NELL1: variants seen among roughly 807,000 people sequenced by gnomAD.
The protein encoded by NELL1 is neural EGFL like 1.
In NELL1, 76 loss-of-function variants were observed where a neutral mutation model predicts 107.4. The ratio of observed to expected loss-of-function variants is 0.71; its 90% CI spans 0.59 to 0.86. The LOEUF is 0.86. Ranked by LOEUF, NELL1 falls within the 40% of genes least tolerant of loss-of-function variation. The pLI, the probability that NELL1 is intolerant of heterozygous loss-of-function variation, is 0.00. For synonymous variants in NELL1, 353 were observed against 341.2 expected, an observed-to-expected ratio of 1.03 and a Z score of -0.38; for missense variants, 1,024 against 1,005.5, an observed-to-expected ratio of 1.02 and a Z score of -0.25.
Position 20,904,216 on chromosome 11 carries a change from TAAA to T in NELL1, c.604-13957_604-13955del, listed in dbSNP as rs59464771. ...TAAAACTTAAAGTATAATAAATAAA[TAAA>T]AAAAAAAAGAAAAAAGTGGCAGGCA... On this transcript the variant is annotated intron_variant, in intron 5 of 19. Transcript: ENST00000357134. Among the ~76,000 whole-genome samples the T allele has an allele frequency of 3.1e-3, 428 of 137,698 alleles. 1 individual carries two copies. The highest frequency in any genetic ancestry group is 0.011 in the African/African-American group (407 of 38,270). 90.3% of individuals were successfully genotyped at this position (137,698 alleles called of 152,430 possible). A position where few individuals can be genotyped will look rare whatever the true frequency, so the allele number is the denominator to read the frequency against.
intron 12 of NELL1, among the ~76,000 whole-genome samples, chr11:21,077,719 G>A (rs1353590434): frequency 6.6e-6 from 1 of 151,240 alleles, no homozygotes; most frequent in Non-Finnish European, 1.5e-5. Context: ...CTTCAGCCTG[G>A]GCGACAGAGT....
At chr11:21,490,229 C>G (rs1302153493) in intron 15 of NELL1, among the ~76,000 whole-genome samples, 2 of 151,482 alleles carry the variant, frequency 1.3e-5, no homozygotes, top group African/African-American at 2.4e-5. Context: ...ATTAATTTTA[C>G]CAATGAGGAA....
At chr11:21,211,627 A>G (rs1017518717) in intron 13 of NELL1, among the ~76,000 whole-genome samples, 4 of 152,184 alleles carry the variant, frequency 2.6e-5, no homozygotes, top group African/African-American at 9.6e-5. Context: ...CTATAGCAAT[A>G]GCCCAAGTGA....
At chr11:21,000,450 A>G (rs1852191936) in intron 12 of NELL1, among the ~76,000 whole-genome samples, 1 of 152,168 alleles carries the variant, frequency 6.6e-6, no homozygotes, top group Admixed American at 6.5e-5. Context: ...CTTTACCCAG[A>G]ATCCTCTGAC....
intron 13 of NELL1, among the ~76,000 whole-genome samples, chr11:21,131,475 A>G (rs1257941072): frequency 1.3e-5 from 2 of 152,204 alleles, no homozygotes; most frequent in Non-Finnish European, 2.9e-5. Flanking sequence ...TTTAGGCCTC[A>G]GTCATCATCT....
At chr11:21,211,237 T>G (rs1857490205) in intron 13 of NELL1, among the ~76,000 whole-genome samples, 1 of 152,116 alleles carries the variant, frequency 6.6e-6, no homozygotes, top group African/African-American at 2.4e-5. Context: ...TCTGAGAAGG[T>G]GAAGACATAC....
At chr11:21,404,014 C>G (rs566343629) in intron 15 of NELL1, among the ~76,000 whole-genome samples, 2 of 116,448 alleles carry the variant, frequency 1.7e-5, no homozygotes, top group Non-Finnish European at 3.7e-5. Flanking sequence ...AACCCCCCCC[C>G]CCGCAATCAA....
rs550540773 is a variant in NELL1 at position 21,000,188 on chromosome 11, C to T, written c.1300+39628C>T. Among the ~76,000 whole-genome samples, 58 of 152,052 alleles carry T rather than the reference C, an allele frequency of 3.8e-4. 1 individual carries two copies. The highest frequency in any genetic ancestry group is 3.4e-3 in the Middle Eastern group (1 of 292). ...TTTGACCTTGAATAAGAATCTTAATCGCACCAGCACGGCACATGTATACAT... is the reference window on the plus strand; with the variant it reads ...TTTGACCTTGAATAAGAATCTTAATTGCACCAGCACGGCACATGTATACAT... On this transcript the variant is annotated intron_variant, in intron 12 of 19. Coordinates refer to ENST00000357134, the MANE Select transcript of NELL1 (RefSeq NM_006157.5).
At chr11:21,417,335 T>C (rs1359275053) in intron 15 of NELL1, among the ~76,000 whole-genome samples, 1 of 152,044 alleles carries the variant, frequency 6.6e-6, no homozygotes, top group Non-Finnish European at 1.5e-5. Context: ...ACCTTTTTGG[T>C]GGTATTTACT....
intron 12 of NELL1, among the ~76,000 whole-genome samples, chr11:21,076,355 G>A (rs776726569): frequency 2.8e-4 from 43 of 152,202 alleles, no homozygotes; most frequent in Non-Finnish European, 4.9e-4. Context: ...GGTTTGGGAC[G>A]TTGTTGGGAT....
chr11:20,999,158 G>A (rs34832096), intron 12 of NELL1, among the ~76,000 whole-genome samples: 6,138 of 152,256 alleles, frequency 0.04, 185 homozygotes, highest in Middle Eastern at 0.12. Flanking sequence ...AAGGTTCCAA[G>A]CCTGTAAGAC....
chr11:21,562,604 C>A (rs1310107990), intron 17 of NELL1, among the ~76,000 whole-genome samples: 1 of 151,948 alleles, frequency 6.6e-6, no homozygotes, highest in African/African-American at 2.4e-5. Flanking sequence ...GTTGAAAATG[C>A]TCTGTTTCAA....
intron 12 of NELL1, among the ~76,000 whole-genome samples, chr11:21,000,309 G>A (rs1269927909): frequency 4.6e-5 from 7 of 152,032 alleles, no homozygotes; most frequent in Non-Finnish European, 8.8e-5. Context: ...GTCAGAGGGT[G>A]GTGAGATTCA....
intron 12 of NELL1, among the ~76,000 whole-genome samples, chr11:20,978,434 G>GA (rs35283202): frequency 0.14 from 20,794 of 150,442 alleles, 1,646 homozygotes; most frequent in East Asian, 0.26. Flanking sequence ...TTGTCTTCAT[G>GA]AAAAAAAAAG....
intron 15 of NELL1, among the ~76,000 whole-genome samples, chr11:21,533,071 C>T (rs533641528): frequency 2.8e-4 from 42 of 152,228 alleles, no homozygotes; most frequent in African/African-American, 9.1e-4. Flanking sequence ...ATTTAGAAGT[C>T]TAAGGGATGA....
At chr11:21,150,287 G>A (rs955976080) in intron 13 of NELL1, among the ~76,000 whole-genome samples, 28 of 152,246 alleles carry the variant, frequency 1.8e-4, no homozygotes, top group Admixed American at 5.2e-4. Context: ...AGCATCCACC[G>A]TATATTACTC....
chr11:21,565,574 T>G (rs943412639), intron 17 of NELL1, among the ~76,000 whole-genome samples: 6 of 151,928 alleles, frequency 3.9e-5, no homozygotes, highest in African/African-American at 1.2e-4. Flanking sequence ...GTTTGAGGAC[T>G]GCCACTTTGA....
chr11:20,981,313 A>G (rs1851744898), intron 12 of NELL1, among the ~76,000 whole-genome samples: 1 of 152,196 alleles, frequency 6.6e-6, no homozygotes, highest in South Asian at 2.1e-4. Context: ...GAAGTTGGCT[A>G]AATAATTTTA....
At chr11:21,383,800 T>G (rs944742874) in intron 15 of NELL1, 3 of 151,602 alleles carry the variant, frequency 2.0e-5, no homozygotes, top group Non-Finnish European at 4.4e-5. Context: ...TCAAAATGCT[T>G]TTTTTACAAT....
Sources: gnomAD v4.1 joint callset for allele counts (sites outside exome capture counted in the v4.1 genomes callset) on GRCh38, gnomAD v4.1.1 for gene constraint, MANE v1.5 for transcripts, NCBI Gene and HGNC (gene_info 2026-07-23, HGNC 2026-07-21) for gene names.